The following C1orf87 variants were observed in gnomAD, a reference collection of about 807,000 sequenced individuals.
The protein encoded by C1orf87 is chromosome 1 open reading frame 87.
C1orf87 carries 58 observed loss-of-function variants against 60.5 expected under a neutral mutation model. The ratio of observed to expected loss-of-function variants is 0.96; its 90% confidence interval spans 0.78 to 1.19. The LOEUF (loss-of-function observed/expected upper bound fraction) is 1.19, where lower values mean the gene tolerates loss of function less well. C1orf87 is among the 50% of genes most tolerant of loss of function. C1orf87 has a pLI of 0.00. For synonymous variants in C1orf87, 236 were observed against 227.4 expected (o/e 1.04, Z -0.34); for missense variants, 673 against 638.6 (o/e 1.05, Z -0.58).
chr1:59,991,497 T>G (rs1644923365), intron 11 of C1orf87, among the ~76,000 whole-genome samples: 3 of 151,672 alleles, frequency 2.0e-5, no homozygotes, highest in African/African-American at 7.2e-5. Context: ...TATACTGTGT[T>G]TTAAAATTTG....
chr1:60,038,793 A>T (rs1366420926), intron 5 of C1orf87, among the ~76,000 whole-genome samples: 3 of 152,196 alleles, frequency 2.0e-5, no homozygotes, highest in Non-Finnish European at 4.4e-5. Context: ...TTTTTTCTGC[A>T]TAGGAAAGGA....
intron 2 of C1orf87, among the ~76,000 whole-genome samples, chr1:60,068,464 C>T (rs1645563331): frequency 6.6e-6 from 1 of 152,140 alleles, no homozygotes; most frequent in South Asian, 2.1e-4. Context: ...ACACACAAAT[C>T]CTCCCCACCT....
At chr1:60,033,093 G>A (rs970744158) in intron 7 of C1orf87, among the ~76,000 whole-genome samples, 1 of 152,038 alleles carries the variant, frequency 6.6e-6, no homozygotes, top group Non-Finnish European at 1.5e-5. Context: ...AAATTACATC[G>A]GTCCCTAAAA....
At chr1:60,026,100 A>G (rs1319451241) in intron 7 of C1orf87, among the ~76,000 whole-genome samples, 1 of 152,184 alleles carries the variant, frequency 6.6e-6, no homozygotes, top group Admixed American at 6.5e-5. Context: ...CTTGTTCTGA[A>G]CTAGTACAAA....
rs150919129 is a variant in C1orf87 at position 60,055,190 on chromosome 1, T to C, written c.342+14A>G. The C allele has an allele frequency of 2.5e-6, 4 of 1,591,212 alleles. No individual in the cohort carries two copies. The highest frequency in any genetic ancestry group is 1.3e-5 in the African/African-American group (1 of 74,348). On this transcript the variant is annotated intron_variant, in intron 3 of 11. Coordinates refer to ENST00000371201, the MANE Select transcript of C1orf87 (RefSeq NM_152377.3). ...AAATTATCAAGATAAACGTGGGTATTTTTTGTCACTCACATTGCCATCCAG... is the reference window on the plus strand; with the variant it reads ...AAATTATCAAGATAAACGTGGGTATCTTTTGTCACTCACATTGCCATCCAG...
At chr1:59,998,663 A>T (rs1429466754) in intron 10 of C1orf87, among the ~76,000 whole-genome samples, 2 of 152,134 alleles carry the variant, frequency 1.3e-5, no homozygotes, top group African/African-American at 4.8e-5. Context: ...ATACAAAATG[A>T]ACCAAAAACC....
At chr1:60,048,292 A>G (rs1326306488) in intron 3 of C1orf87, among the ~76,000 whole-genome samples, 1 of 152,168 alleles carries the variant, frequency 6.6e-6, no homozygotes, top group African/African-American at 2.4e-5. Context: ...GCCTCTGTCA[A>G]TAGCCACATG....
chr1:60,063,725 T>G (rs560888370), intron 2 of C1orf87, among the ~76,000 whole-genome samples: 1 of 152,284 alleles, frequency 6.6e-6, no homozygotes, highest in Non-Finnish European at 1.5e-5. Context: ...GTCACTAGGA[T>G]GGAGGCGAGT....
At chr1:59,993,859 A>C (rs1158190071) in intron 11 of C1orf87, among the ~76,000 whole-genome samples, 1 of 151,352 alleles carries the variant, frequency 6.6e-6, no homozygotes, top group Non-Finnish European at 1.5e-5. Flanking sequence ...CCTGGGTTCA[A>C]GTGATTTTCC....
chr1:59,997,579 C>T (rs1644971831), intron 11 of C1orf87, 30 bp downstream of exon 11: 1 of 1,609,330 alleles, frequency 6.2e-7, no homozygotes, highest in East Asian at 2.2e-5. Context: ...CAAATAGAAA[C>T]CTATGCCAGC....
chr1:59,994,247 G>A (rs1644947745), intron 11 of C1orf87, among the ~76,000 whole-genome samples: 1 of 151,628 alleles, frequency 6.6e-6, no homozygotes, highest in Non-Finnish European at 1.5e-5. Context: ...GTGGAGTCTG[G>A]ATTTGAATCT....
Position 60,072,619 on chromosome 1 carries a change from G to A in C1orf87, c.25C>T (p.Arg9Cys), listed in dbSNP as rs1201501512. The A allele has an allele frequency of 6.2e-6, 10 of 1,612,322 alleles. No homozygotes were observed. Among genetic ancestry groups the A allele is most frequent in the Middle Eastern group, 3.3e-4 (2 of 6,084 alleles). Reference sequence around the variant, plus strand: ...ATCTCAGGCATTGCATCTGATCCACGGGGAGTCTTCCAGGCTGAAGACATG... The same window carrying A: ...ATCTCAGGCATTGCATCTGATCCACAGGGAGTCTTCCAGGCTGAAGACATG... MSSAWKTPRGSDAMPEIMV... is the reference protein window; with the variant it reads MSSAWKTPCGSDAMPEIMV... The change falls in exon 2 of 12, where the codon CGT (arginine) becomes TGT (cysteine). Residue 9 changes from arginine to cysteine, a missense_variant. Transcript: ENST00000371201.
chr1:60,030,599 GC>G lies in C1orf87; in HGVS notation c.1029+2876del, dbSNP rs1325152802. On this transcript the variant is annotated intron_variant, in intron 7 of 11. Transcript: ENST00000371201. ...TGGGAGCAATTTGGGAGGGGTTTGT[GC>G]TATGAAGCAGAAAGAGGATGAGTTC... 2.0e-5 allele frequency among the ~76,000 whole-genome samples: 3 copies of G among 152,366 alleles called. No individual in the cohort carries two copies. In the East Asian group the frequency reaches 5.8e-4, roughly 29 times the overall value.
chr1:60,058,779 A>G (rs951530394), intron 2 of C1orf87, among the ~76,000 whole-genome samples: 1 of 152,218 alleles, frequency 6.6e-6, no homozygotes, highest in African/African-American at 2.4e-5. Flanking sequence ...CAGTAGAGTC[A>G]GAGGAAGGTC....
rs1324328915 is a variant in C1orf87 at position 60,025,428 on chromosome 1, T to G, written c.1100A>C (p.Gln367Pro). 6.2e-7 allele frequency: 1 copy of G among 1,613,546 alleles called. No homozygotes were observed. Among genetic ancestry groups the G allele is most frequent in the South Asian group, 1.1e-5 (1 of 91,016 alleles). The change falls in exon 8 of 12, where the codon CAA (glutamine) becomes CCA (proline). Residue 367 changes from glutamine to proline, a missense_variant. Physicochemically the swap from Gln to Pro is moderately conservative, Grantham distance 76. Coordinates refer to ENST00000371201, the MANE Select transcript of C1orf87 (RefSeq NM_152377.3). ...LSLLETLLNH[Q>P]DLGYQNEIKW... ...TATTTCATTTTGGTAACCCAAATCTTGATGGTTAAGCAATGTTTCCAGCAG... is the reference window on the plus strand; with the variant it reads ...TATTTCATTTTGGTAACCCAAATCTGGATGGTTAAGCAATGTTTCCAGCAG...
At chr1:60,000,491 A>G (rs1393530594) in intron 10 of C1orf87, among the ~76,000 whole-genome samples, 1 of 152,076 alleles carries the variant, frequency 6.6e-6, no homozygotes, top group Admixed American at 6.6e-5. Flanking sequence ...AAGATGAATT[A>G]TGTTCTAATC....
intron 2 of C1orf87, among the ~76,000 whole-genome samples, chr1:60,059,030 A>G (rs1010497786): frequency 6.6e-6 from 1 of 152,236 alleles, no homozygotes; most frequent in African/African-American, 2.4e-5. Flanking sequence ...CAGTCCCTGT[A>G]GATGTAAAAC....
chr1:59,994,782 T>C (rs1644951999), intron 11 of C1orf87, among the ~76,000 whole-genome samples: 2 of 152,172 alleles, frequency 1.3e-5, no homozygotes, highest in African/African-American at 4.8e-5. Context: ...TCATCCTGGA[T>C]GGAGAACATG....
At position 60,041,130 on chromosome 1, in the gene C1orf87, A is replaced by G. The variant is rs768225943; in HGVS notation, c.344T>C (p.Ile115Thr). 1.3e-6 allele frequency: 2 copies of G among 1,570,070 alleles called. No individual in the cohort carries two copies. Among genetic ancestry groups the G allele is most frequent in the South Asian group, 1.2e-5 (1 of 86,066 alleles). ...ANSSRFLDGN[I>T]PSQANVHCSS... The stretch of plus-strand genomic sequence containing the variant: ...GCAGTGGACATTTGCTTGACTGGGA[A>G]TCTTAACAGAACAAGGACAAAGGGA... Residue 115 changes from isoleucine to threonine, a missense_variant and splice_region_variant, in exon 4 of 12, where the codon ATT (isoleucine) becomes ACT (threonine). Ile to Thr is a moderately conservative substitution (Grantham distance 89). Coordinates refer to ENST00000371201, the MANE Select transcript of C1orf87 (RefSeq NM_152377.3).
Sources: gnomAD v4.1 joint callset for allele counts (sites outside exome capture counted in the v4.1 genomes callset) on GRCh38, gnomAD v4.1.1 for gene constraint, MANE v1.5 for transcripts, NCBI Gene and HGNC (gene_info 2026-07-23, HGNC 2026-07-21) for gene names.